Variants in LAMC2 observed in about 807,000 individuals in gnomAD.
LAMC2 encodes the protein laminin subunit gamma-2.
A neutral mutation model predicts 140.2 loss-of-function variants in LAMC2; 97 were observed. The ratio of observed to expected loss-of-function variants is 0.69; its 90% CI spans 0.59 to 0.82. The LOEUF (loss-of-function observed/expected upper bound fraction) is 0.82. LAMC2 is among the 40% of genes least tolerant of loss of function. The probability of loss-of-function intolerance (pLI) is 0.00; values close to 1 mark genes in which losing one functional copy is unlikely to be tolerated. For missense variants in LAMC2, 1,402 were observed against 1,476.1 expected (o/e 0.95, Z 0.82); for synonymous variants, 513 against 540.2 (o/e 0.95, Z 0.70).
Position 183,227,610 on chromosome 1 carries a change from C to T in LAMC2, c.1381C>T (p.Pro461Ser), listed in dbSNP as rs772045414. The change falls in exon 10 of 23, where the codon CCA becomes TCA. Residue 461 changes from proline (P) to serine (S), a missense_variant. Coordinates refer to ENST00000264144, the MANE Select transcript of LAMC2 (RefSeq NM_005562.3). ...TCCGCACGACCCCCGCAGCTGCAAG[C>T]CATGTCCCTGTCATAACGGGTTCAG... ...NDPHDPRSCK[P>S]CPCHNGFSCS... 3.8e-5 allele frequency: 62 copies of T among 1,614,018 alleles called. No individual in the cohort carries two copies. Among genetic ancestry groups the T allele is most frequent in the Non-Finnish European group, 5.3e-5 (62 of 1,180,042 alleles).
chr1:183,237,592 T>C, intron 18 of LAMC2, 88 bp downstream of exon 18: 1 of 1,290,454 alleles, frequency 7.7e-7, no homozygotes, highest in Non-Finnish European at 1.1e-6. Flanking sequence ...AATCAAAAGC[T>C]CTCTGACCAG....
intron 1 of LAMC2, among the ~76,000 whole-genome samples, chr1:183,201,003 C>T (rs1407212913): frequency 6.6e-6 from 1 of 152,162 alleles, no homozygotes; most frequent in Admixed American, 6.5e-5. Flanking sequence ...CAAATGACTC[C>T]GTTTCAGATG....
At chr1:183,214,589 T>C (rs1278247801) in intron 2 of LAMC2, among the ~76,000 whole-genome samples, 2 of 152,150 alleles carry the variant, frequency 1.3e-5, no homozygotes, top group Admixed American at 1.3e-4. Flanking sequence ...AGTTGGCATC[T>C]TATTCTGCTT....
chr1:183,229,179 T>C (rs986060608), intron 11 of LAMC2, among the ~76,000 whole-genome samples: 1 of 152,194 alleles, frequency 6.6e-6, no homozygotes, highest in Non-Finnish European at 1.5e-5. Flanking sequence ...ATGTGCAGAC[T>C]GGTCCTCTTG....
rs1475759309 is a variant in LAMC2 at position 183,228,342 on chromosome 1, C to T, written c.1469-32C>T. 17 of 1,613,964 alleles carry T rather than the reference C, an allele frequency of 1.1e-5. No individual in the cohort carries two copies. The highest frequency in any genetic ancestry group is 1.3e-5 in the Non-Finnish European group (15 of 1,179,942). On this transcript the variant is annotated intron_variant, in intron 10 of 22. Coordinates refer to ENST00000264144, the MANE Select transcript of LAMC2 (RefSeq NM_005562.3). This position sits in a 1 kb window ranked among gnomAD's most constrained non-coding sequence, Gnocchi z 4.3. ...GTCTGGTCTTCCTCCTGATGGATGT[C>T]GACCTAGGCTTGGTCATTTGTTCCT...
chr1:183,214,987 G>C (rs1277049518), intron 2 of LAMC2, among the ~76,000 whole-genome samples: 8 of 152,270 alleles, frequency 5.3e-5, no homozygotes, highest in Admixed American at 5.2e-4. Context: ...GGATAGTTTT[G>C]GTTAATAGCC....
In LAMC2 at chr1:183,243,365, G is replaced by GGCT; in HGVS notation, c.3551_3553dup (p.Cys1184dup). The GGCT allele has an allele frequency of 6.2e-7, 1 of 1,614,208 alleles. No homozygotes were observed. The highest frequency in any genetic ancestry group is 8.5e-7 in the Non-Finnish European group (1 of 1,180,032). On this transcript the variant is annotated inframe_insertion, in exon 23 of 23. Coordinates refer to ENST00000264144, the MANE Select transcript of LAMC2 (RefSeq NM_005562.3). ...GAACATTAGGGACAACCTGCCCCCAGGCTGCTACAATACCCAGGCTCTTGA... is the reference window on the plus strand; with the variant it reads ...GAACATTAGGGACAACCTGCCCCCAGGCTGCTGCTACAATACCCAGGCTCTTGA...
chr1:183,216,613 G>A (rs994434700), intron 3 of LAMC2, among the ~76,000 whole-genome samples: 1 of 152,144 alleles, frequency 6.6e-6, no homozygotes. Context: ...CTTCCCCGAA[G>A]CCGTGCAGCG....
the LAMC2 span, chr1:183,252,082 A>G: frequency 6.5e-6 from 1 of 154,198 alleles, no homozygotes; most frequent in Admixed American, 6.4e-5. Context: ...GCACATCAAG[A>G]CTACAAACAT....
At chr1:183,253,577 C>G in the LAMC2 span, among the ~76,000 whole-genome samples, 1 of 152,052 alleles carries the variant, frequency 6.6e-6, no homozygotes, top group Admixed American at 6.6e-5. Flanking sequence ...TGACCTGTAT[C>G]TCACCACTTT....
chr1:183,231,122 AC>A lies in LAMC2; in HGVS notation c.1857+21del. ...GATTCAGGTATGCATTCTTCCCCTTACCACCCCCAACCCCACAGAATCAAAT... is the reference window on the plus strand; with the variant it reads ...GATTCAGGTATGCATTCTTCCCCTTACACCCCCAACCCCACAGAATCAAAT... On this transcript the variant is annotated intron_variant, in intron 12 of 22. Coordinates refer to ENST00000264144, the MANE Select transcript of LAMC2 (RefSeq NM_005562.3). 6.2e-7 allele frequency: 1 copy of A among 1,613,984 alleles called. No homozygotes were observed. Among genetic ancestry groups the A allele is most frequent in the Non-Finnish European group, 8.5e-7 (1 of 1,179,940 alleles).
At chr1:183,205,725 C>T (rs1177901717) in intron 1 of LAMC2, among the ~76,000 whole-genome samples, 3 of 151,984 alleles carry the variant, frequency 2.0e-5, no homozygotes, top group South Asian at 2.1e-4. Context: ...AGCCTGATGA[C>T]GCAGGGCCCT....
At chr1:183,253,904 C>CAT in the LAMC2 span, among the ~76,000 whole-genome samples, 27 of 144,268 alleles carry the variant, frequency 1.9e-4, no homozygotes, top group Non-Finnish European at 3.7e-4. Context: ...GTTCCACTTC[C>CAT]GTGTGTGTGT....
intron 1 of LAMC2, among the ~76,000 whole-genome samples, chr1:183,194,065 G>T (rs1383835861): frequency 6.6e-6 from 1 of 151,972 alleles, no homozygotes; most frequent in Admixed American, 6.6e-5. Flanking sequence ...GATTACAGGC[G>T]CATGCCACCA....
rs116063721 is a variant in LAMC2 at position 183,200,674 on chromosome 1, G to C, written c.80-7207G>C. 8.6e-3 allele frequency among the ~76,000 whole-genome samples: 1,315 copies of C among 152,228 alleles called. 32 individuals carry two copies. Among genetic ancestry groups the C allele is most frequent in the African/African-American group, 0.03 (1,249 of 41,528 alleles). On this transcript the variant is annotated intron_variant, in intron 1 of 22. Coordinates refer to ENST00000264144, the MANE Select transcript of LAMC2 (RefSeq NM_005562.3). ...CTTCCTGTCCTAACCTGTTGGAGCT[G>C]CGTGTTTTAGTGAGGGGTGGGAGTG...
At position 183,232,817 on chromosome 1, in the gene LAMC2, A is replaced by C; in HGVS notation, c.2180A>C (p.Gln727Pro). 3.1e-6 allele frequency: 5 copies of C among 1,614,150 alleles called. No homozygotes were observed. The highest frequency in any genetic ancestry group is 4.2e-6 in the Non-Finnish European group (5 of 1,179,994). Residue 727 changes from glutamine to proline, a missense_variant, in exon 14 of 23, where the codon CAG (glutamine) becomes CCG (proline). By Grantham distance (76) the Gln-to-Pro change is moderately conservative. Coordinates refer to ENST00000264144, the MANE Select transcript of LAMC2 (RefSeq NM_005562.3). ...RDTHRLITQM[Q>P]LSLAESEASL... Reference sequence around the variant, plus strand: ...ACTCACAGGCTCATCACTCAGATGCAGCTGAGCCTGGCAGAAAGTGAAGCT... The same window carrying C: ...ACTCACAGGCTCATCACTCAGATGCCGCTGAGCCTGGCAGAAAGTGAAGCT...
Position 183,239,229 on chromosome 1 carries a change from C to T in LAMC2, c.2870-135C>T, listed in dbSNP as rs374268001. On this transcript the variant is annotated intron_variant, in intron 19 of 22. Transcript: ENST00000264144. ...ATCTTTTAAGAAAGTTAATTCCAGC[C>T]GTAACTTCCCACACCGTCATCCCCA... The T allele has an allele frequency of 1.5e-4, 125 of 840,480 alleles. 2 individuals carry two copies. Among genetic ancestry groups the T allele is most frequent in the East Asian group, 9.0e-4 (37 of 41,170 alleles). 52.1% of individuals were successfully genotyped at this position (840,480 alleles called of 1,614,324 possible). A position where few individuals can be genotyped will look rare whatever the true frequency, so the allele number is the denominator to read the frequency against.
At chr1:183,242,395 CT>C (rs1660154778) in intron 22 of LAMC2, among the ~76,000 whole-genome samples, 1 of 152,196 alleles carries the variant, frequency 6.6e-6, no homozygotes, top group Non-Finnish European at 1.5e-5. Flanking sequence ...ATCACTTCAG[CT>C]CACATATGTG....
rs1660029194 is a variant in LAMC2, at chr1:183,238,348, C to G, written c.2796C>G (p.Ser932Arg). 4 of 1,614,090 alleles carry G rather than the reference C, an allele frequency of 2.5e-6. No homozygotes were observed. Among genetic ancestry groups the G allele is most frequent in the Non-Finnish European group, 3.4e-6 (4 of 1,179,964 alleles). ...QLLSRANLAK[S>R]RAQEALSMGN... ...TTTCCCGTGCCAATCTTGCTAAAAG[C>G]AGAGCACAAGAAGCACTGAGTATGG... The change falls in exon 19 of 23, where the codon AGC (serine) becomes AGG (arginine). Residue 932 changes from serine to arginine, a missense_variant. Coordinates refer to ENST00000264144, the MANE Select transcript of LAMC2 (RefSeq NM_005562.3).
Sources: allele counts gnomAD v4.1 joint callset (sites outside exome capture counted in the v4.1 genomes callset), GRCh38; gene constraint gnomAD v4.1.1; non-coding constraint Gnocchi (gnomAD v3.1); transcripts MANE v1.5; gene names NCBI Gene and HGNC (gene_info 2026-07-23, HGNC 2026-07-21).